Variants in FCHSD2 observed in about 807,000 individuals in gnomAD.
FCHSD2 encodes FCH and double SH3 domains 2.
Under a neutral mutation model 108.1 loss-of-function variants are expected in FCHSD2, and 38 were observed. The ratio of observed to expected loss-of-function variants is 0.35; its 90% CI spans 0.27 to 0.46. The LOEUF (loss-of-function observed/expected upper bound fraction) is 0.46. Among genes scored for constraint, FCHSD2 ranks in the 20% least tolerant of loss-of-function variants. The pLI is 1.00. For missense variants in FCHSD2, 751 were observed against 897.8 expected (o/e 0.84, Z 2.09); for synonymous variants, 279 against 314.7 (o/e 0.89, Z 1.20).
At chr11:72,891,904 T>A (rs1175348618) in intron 10 of FCHSD2, among the ~76,000 whole-genome samples, 4 of 152,226 alleles carry the variant, frequency 2.6e-5, no homozygotes, top group Non-Finnish European at 2.9e-5. Flanking sequence ...ATGGTAACTG[T>A]TAATGTTAAA....
chr11:72,975,679 G>C lies in FCHSD2; in HGVS notation c.705+8409C>G, dbSNP rs910794364. Among the ~76,000 whole-genome samples, 6 of 152,014 alleles carry C rather than the reference G, an allele frequency of 3.9e-5. 1 individual carries two copies. The highest frequency in any genetic ancestry group is 3.3e-4 in the Admixed American group (5 of 15,268). On this transcript the variant is annotated intron_variant, in intron 8 of 19. Coordinates refer to ENST00000409418, the MANE Select transcript of FCHSD2 (RefSeq NM_014824.3). ...TTTTAGAAAGGATTTGTATATTAATGTTTTTCTCTTCATTTGATCAAAAAA... is the reference window on the plus strand; with the variant it reads ...TTTTAGAAAGGATTTGTATATTAATCTTTTTCTCTTCATTTGATCAAAAAA...
chr11:72,943,822 C>T (rs1242458812), intron 8 of FCHSD2, among the ~76,000 whole-genome samples: 1 of 152,174 alleles, frequency 6.6e-6, no homozygotes, highest in Non-Finnish European at 1.5e-5. Context: ...TCAGTTAGCA[C>T]ATCTATAATT....
At chr11:72,948,905 T>C (rs1021272398) in intron 8 of FCHSD2, among the ~76,000 whole-genome samples, 1 of 151,942 alleles carries the variant, frequency 6.6e-6, no homozygotes, top group Non-Finnish European at 1.5e-5. Context: ...GACCTCGTGA[T>C]CTGCCCACCT....
intron 8 of FCHSD2, among the ~76,000 whole-genome samples, chr11:72,936,387 T>G (rs958159263): frequency 2.0e-5 from 3 of 152,214 alleles, no homozygotes; most frequent in African/African-American, 7.2e-5. Flanking sequence ...GTCTGTTAAA[T>G]CAATATTTTC....
chr11:72,866,973 C>T (rs1854741700), intron 13 of FCHSD2, among the ~76,000 whole-genome samples: 2 of 152,192 alleles, frequency 1.3e-5, no homozygotes, highest in African/African-American at 4.8e-5. Flanking sequence ...TTCACTCCTT[C>T]CTTCAAAAAT....
intron 2 of FCHSD2, among the ~76,000 whole-genome samples, chr11:73,127,642 A>T (rs1860889940): frequency 6.6e-6 from 1 of 152,238 alleles, no homozygotes; most frequent in African/African-American, 2.4e-5. Flanking sequence ...CTCCTCAGAT[A>T]AACAGCTTCA....
At chr11:73,058,223 C>T (rs117167659) in intron 3 of FCHSD2, among the ~76,000 whole-genome samples, 2,213 of 152,218 alleles carry the variant, frequency 0.015, 21 homozygotes, top group Non-Finnish European at 0.023. Context: ...TGTTTTATGT[C>T]ATAAAATCAG....
intron 3 of FCHSD2, among the ~76,000 whole-genome samples, chr11:73,036,358 T>G (rs1490451495): frequency 2.0e-5 from 3 of 152,154 alleles, no homozygotes; most frequent in Non-Finnish European, 4.4e-5. Context: ...TAATCACTAT[T>G]TTGTACAATA....
At chr11:72,999,838 T>C (rs1947607859) in intron 5 of FCHSD2, among the ~76,000 whole-genome samples, 1 of 149,238 alleles carries the variant, frequency 6.7e-6, no homozygotes, top group African/African-American at 2.5e-5. Context: ...TCTCTGCCCC[T>C]ACCTTACACC....
chr11:73,137,785 C>T (rs1057283552), intron 2 of FCHSD2, among the ~76,000 whole-genome samples: 4 of 152,140 alleles, frequency 2.6e-5, no homozygotes, highest in African/African-American at 7.2e-5. Flanking sequence ...GACAACCTGA[C>T]GTCCCGAGTG....
intron 3 of FCHSD2, among the ~76,000 whole-genome samples, chr11:73,051,878 C>T (rs1013307407): frequency 8.7e-6 from 1 of 114,898 alleles, no homozygotes; most frequent in Non-Finnish European, 1.9e-5. Context: ...AACACACACA[C>T]ACACACACAC....
intron 2 of FCHSD2, among the ~76,000 whole-genome samples, chr11:73,101,645 CA>C (rs1591553980): frequency 6.6e-6 from 1 of 152,016 alleles, no homozygotes; most frequent in East Asian, 1.9e-4. Flanking sequence ...CTATGTTGCC[CA>C]GGGTAGTCTG....
At chr11:72,841,614 G>C (rs1289253297) in intron 17 of FCHSD2, 31 bp from the exon 18 acceptor site, 1 of 1,565,166 alleles carries the variant, frequency 6.4e-7, no homozygotes, top group East Asian at 2.3e-5. Context: ...GTTACCCGGT[G>C]CTCCCCTCCA....
intron 8 of FCHSD2, among the ~76,000 whole-genome samples, chr11:72,953,091 T>C (rs1238925831): frequency 1.3e-5 from 2 of 152,122 alleles, no homozygotes; most frequent in African/African-American, 4.8e-5. Flanking sequence ...AAAATAAACA[T>C]AGTATTAGAT....
At chr11:73,087,815 A>G (rs1022725000) in intron 2 of FCHSD2, among the ~76,000 whole-genome samples, 3 of 152,208 alleles carry the variant, frequency 2.0e-5, no homozygotes, top group African/African-American at 7.2e-5. Context: ...TTACATTCAC[A>G]TGGCACTCAC....
intron 3 of FCHSD2, among the ~76,000 whole-genome samples, chr11:73,066,657 A>G (rs1859300215): frequency 6.6e-6 from 1 of 152,180 alleles, no homozygotes; most frequent in South Asian, 2.1e-4. Context: ...AAAAAAAACC[A>G]TCAAAAAGTA....
chr11:72,900,981 G>A (rs1179757638), intron 10 of FCHSD2, among the ~76,000 whole-genome samples: 1 of 152,194 alleles, frequency 6.6e-6, no homozygotes, highest in Non-Finnish European at 1.5e-5. Context: ...TCATTTTGCA[G>A]AAGTTAAATT....
intron 2 of FCHSD2, among the ~76,000 whole-genome samples, chr11:73,132,223 TCCTTTTGTA>T (rs1861020615): frequency 2.0e-5 from 3 of 152,228 alleles, no homozygotes; most frequent in Admixed American, 6.5e-5. Flanking sequence ...CACGATAACT[TCCTTTTGTA>T]CCTTGAATAA....
intron 8 of FCHSD2, among the ~76,000 whole-genome samples, chr11:72,955,267 A>G (rs1396383255): frequency 1.3e-5 from 2 of 152,218 alleles, no homozygotes; most frequent in African/African-American, 4.8e-5. Context: ...ACCCAAGGAA[A>G]CATTTTATTT....
Sources: allele counts gnomAD v4.1 joint callset (sites outside exome capture counted in the v4.1 genomes callset), GRCh38; gene constraint gnomAD v4.1.1; transcripts MANE v1.5; gene names NCBI Gene and HGNC (gene_info 2026-07-23, HGNC 2026-07-21).